Variants in CDK5RAP2 observed in about 807,000 individuals in gnomAD.
CDK5RAP2 encodes CDK5 regulatory subunit associated protein 2.
A neutral mutation model predicts 232.9 loss-of-function variants in CDK5RAP2; 147 were observed. The ratio of observed to expected loss-of-function variants is 0.63; its 90% CI spans 0.55 to 0.72. CDK5RAP2 has a LOEUF of 0.72. CDK5RAP2 is among the 30% of genes least tolerant of loss of function. The pLI is 0.00. For missense variants in CDK5RAP2, 2,195 were observed against 2,231.5 expected, an observed-to-expected ratio of 0.98 and a Z score of 0.33; for synonymous variants, 833 against 833.7, an observed-to-expected ratio of 1.00 and a Z score of 0.01.
intron 15 of CDK5RAP2, among the ~76,000 whole-genome samples, chr9:120,476,193 A>G (rs1331861448): frequency 2.0e-5 from 3 of 151,912 alleles, no homozygotes; most frequent in East Asian, 1.9e-4. Flanking sequence ...ACTTTTCATT[A>G]TAGAAAATTT....
At chr9:120,408,803 G>A (rs750662331) in intron 30 of CDK5RAP2, among the ~76,000 whole-genome samples, 7 of 152,212 alleles carry the variant, frequency 4.6e-5, no homozygotes, top group Admixed American at 1.3e-4. Context: ...CAGGGCCTGC[G>A]CCCATTCTGC....
chr9:120,437,486 A>G lies in CDK5RAP2; in HGVS notation c.3764T>C (p.Leu1255Pro). ...GCCATCCTTAATCTGCTGCCGTTGA[A>G]GGGAGAGCTCCCTGGCTTGGGACTG... ...LVQSQARELS[L>P]QRQQIKDGHG... Residue 1255 changes from leucine (L) to proline (P), a missense_variant, in exon 25 of 38, where the codon CTT (leucine) becomes CCT (proline). By Grantham distance (98) the Leu-to-Pro change is moderately conservative. Transcript: ENST00000349780. 1 of 1,614,148 alleles carries G rather than the reference A, an allele frequency of 6.2e-7. No individual in the cohort carries two copies. Among genetic ancestry groups the G allele is most frequent in the Non-Finnish European group, 8.5e-7 (1 of 1,179,974 alleles).
chr9:120,459,422 AC>A (rs1432637823), intron 19 of CDK5RAP2, among the ~76,000 whole-genome samples: 1 of 152,084 alleles, frequency 6.6e-6, no homozygotes, highest in Non-Finnish European at 1.5e-5. Context: ...ACTAGCCATC[AC>A]CCCCATCTCT....
chr9:120,559,343 C>T (rs1045469763), intron 3 of CDK5RAP2, among the ~76,000 whole-genome samples: 3 of 151,514 alleles, frequency 2.0e-5, no homozygotes, highest in African/African-American at 7.3e-5. Context: ...AAAAATCAGC[C>T]AAGCATGGTG....
At chr9:120,550,306 C>T (rs2042000203) in intron 4 of CDK5RAP2, among the ~76,000 whole-genome samples, 2 of 152,202 alleles carry the variant, frequency 1.3e-5, no homozygotes, top group Non-Finnish European at 2.9e-5. Flanking sequence ...CTCAAGAAGA[C>T]GGTAATTGTC....
chr9:120,475,552 C>T (rs566388748), intron 15 of CDK5RAP2, among the ~76,000 whole-genome samples: 1 of 152,216 alleles, frequency 6.6e-6, no homozygotes, highest in South Asian at 2.1e-4. Context: ...TGTGAGTTTC[C>T]ACACGACTCA....
At chr9:120,411,840 T>C (rs1036869863) in intron 28 of CDK5RAP2, among the ~76,000 whole-genome samples, 8 of 152,196 alleles carry the variant, frequency 5.3e-5, no homozygotes, top group African/African-American at 1.9e-4. Flanking sequence ...GAGCCAAAGC[T>C]GAACTCCTTA....
intron 12 of CDK5RAP2, among the ~76,000 whole-genome samples, chr9:120,493,563 C>A (rs929734573): frequency 3.3e-5 from 5 of 152,166 alleles, no homozygotes; most frequent in African/African-American, 1.2e-4. Flanking sequence ...TACAAATGAC[C>A]ATTTATGATG....
At chr9:120,461,842 C>T (rs1039683246) in intron 18 of CDK5RAP2, among the ~76,000 whole-genome samples, 2 of 152,110 alleles carry the variant, frequency 1.3e-5, no homozygotes, top group African/African-American at 2.4e-5. Context: ...GACCCTGTCT[C>T]GAAAGCAAAA....
intron 12 of CDK5RAP2, among the ~76,000 whole-genome samples, chr9:120,508,667 T>G (rs7030566): frequency 0.022 from 3,393 of 152,230 alleles, 121 homozygotes; most frequent in African/African-American, 0.077. Context: ...CTACCAGGAA[T>G]GCATTCCCAC....
intron 4 of CDK5RAP2, 85 bp from the exon 5 acceptor site, chr9:120,545,875 C>T (rs1235749674): frequency 2.9e-6 from 3 of 1,029,364 alleles, no homozygotes; most frequent in Non-Finnish European, 4.6e-6. Context: ...GCTTCCAGCA[C>T]AGACTGACTA....
chr9:120,482,765 C>T (rs747959007), intron 14 of CDK5RAP2, among the ~76,000 whole-genome samples: 71 of 152,038 alleles, frequency 4.7e-4, no homozygotes, highest in Middle Eastern at 3.2e-3. Flanking sequence ...ACTCAGAGAC[C>T]GATATGAATC....
At chr9:120,426,235 G>C (rs2034892559) in intron 25 of CDK5RAP2, among the ~76,000 whole-genome samples, 1 of 152,212 alleles carries the variant, frequency 6.6e-6, no homozygotes, top group Non-Finnish European at 1.5e-5. Flanking sequence ...ACCAGTTTTG[G>C]AGTTTATTTT....
At chr9:120,477,179 G>A (rs755671274) in intron 15 of CDK5RAP2, among the ~76,000 whole-genome samples, 171 bp downstream of exon 15, 10 of 152,256 alleles carry the variant, frequency 6.6e-5, no homozygotes, top group Non-Finnish European at 1.5e-5. Context: ...ACAGGTATAT[G>A]TGACTATCAA....
chr9:120,497,607 G>A (rs1359060805), intron 12 of CDK5RAP2, among the ~76,000 whole-genome samples: 1 of 152,050 alleles, frequency 6.6e-6, no homozygotes, highest in Non-Finnish European at 1.5e-5. Context: ...TTAACCAAGT[G>A]ACTAGCACTA....
At chr9:120,508,747 C>T (rs762193954) in intron 12 of CDK5RAP2, among the ~76,000 whole-genome samples, 1 of 152,248 alleles carries the variant, frequency 6.6e-6, no homozygotes, top group Non-Finnish European at 1.5e-5. Flanking sequence ...CTCTGTGAAG[C>T]CTTCCCTCCC....
In CDK5RAP2 at chr9:120,415,068, C is replaced by G. The variant is rs1227338753; in HGVS notation, c.4269G>C (p.Leu1423Phe). Reference sequence around the variant, plus strand: ...GAACAAATTCAGATCCTTGCCGTTCCAACTGTTTCCGTAGCTTCTCATTTG... The same window carrying G: ...GAACAAATTCAGATCCTTGCCGTTCGAACTGTTTCCGTAGCTTCTCATTTG... ...IKTNEKLRKQ[L>F]ERQGSEFVQG... is the part of the protein sequence containing the mutation. Residue 1423 changes from leucine (L) to phenylalanine (F), a missense_variant, in exon 28 of 38, where the codon TTG becomes TTC. By Grantham distance (22) the Leu-to-Phe change is conservative (BLOSUM62 0). Coordinates refer to ENST00000349780, the MANE Select transcript of CDK5RAP2 (RefSeq NM_018249.6). The G allele has an allele frequency of 1.2e-6, 2 of 1,614,068 alleles. No homozygotes were observed. Among genetic ancestry groups the G allele is most frequent in the Admixed American group, 1.7e-5 (1 of 60,008 alleles).
intron 8 of CDK5RAP2, among the ~76,000 whole-genome samples, 167 bp downstream of exon 8, chr9:120,529,811 G>A (rs1222676740): frequency 6.6e-6 from 1 of 152,188 alleles, no homozygotes; most frequent in African/African-American, 2.4e-5. Flanking sequence ...GAAAAAGAAT[G>A]CCAGGGCCCC....
intron 24 of CDK5RAP2, 92 bp downstream of exon 24, chr9:120,439,307 G>A (rs2035758805): frequency 5.6e-6 from 6 of 1,066,194 alleles, no homozygotes; most frequent in Non-Finnish European, 7.2e-6. Context: ...CCATCACAGA[G>A]TAGTGTTCTC....
Sources: gnomAD v4.1 joint callset for allele counts (sites outside exome capture counted in the v4.1 genomes callset) on GRCh38, gnomAD v4.1.1 for gene constraint, MANE v1.5 for transcripts, NCBI Gene and HGNC (gene_info 2026-07-23, HGNC 2026-07-21) for gene names.